DEPTOR: variants seen among roughly 807,000 people sequenced by gnomAD.
The protein encoded by DEPTOR is DEP domain containing MTOR interacting protein.
A neutral mutation model predicts 41.6 loss-of-function variants in DEPTOR; 41 were observed. The observed-to-expected ratio is 0.98, with a 90% CI of 0.77 to 1.28. DEPTOR has a LOEUF of 1.28. DEPTOR is among the 50% of genes most tolerant of loss of function. The probability of loss-of-function intolerance (pLI) is 0.00; values close to 1 mark genes in which losing one functional copy is unlikely to be tolerated. For missense variants in DEPTOR, 514 were observed against 527.9 expected, an observed-to-expected ratio of 0.97 and a Z score of 0.26; for synonymous variants, 195 against 192.3, an observed-to-expected ratio of 1.01 and a Z score of -0.12.
chr8:120,012,506 A>AT lies in DEPTOR; in HGVS notation c.1101+3383dup, dbSNP rs950618843. 6.6e-5 allele frequency among the ~76,000 whole-genome samples: 10 copies of AT among 150,712 alleles called. No individual in the cohort carries two copies. In the South Asian group the frequency reaches 8.5e-4, roughly 13 times the overall value. ...ACTGTGATGTCACTGGGCAATGGGA[A>AT]TTTTTTTTTTAAAGCATTCTTTGTT... On this transcript the variant is annotated intron_variant, in intron 8 of 8. Coordinates refer to ENST00000286234, the MANE Select transcript of DEPTOR (RefSeq NM_022783.4).
intron 4 of DEPTOR, among the ~76,000 whole-genome samples, chr8:119,976,202 C>T (rs187542974): frequency 1.6e-3 from 237 of 152,016 alleles, no homozygotes; most frequent in Middle Eastern, 3.4e-3. Context: ...TAACTTCTTG[C>T]CAAGAGGACT....
At chr8:119,988,182 C>A (rs1828853967) in intron 4 of DEPTOR, among the ~76,000 whole-genome samples, 1 of 152,180 alleles carries the variant, frequency 6.6e-6, no homozygotes. Flanking sequence ...GTTGTGAAGA[C>A]TGTGGGAAAA....
intron 3 of DEPTOR, among the ~76,000 whole-genome samples, chr8:119,952,945 G>C (rs1374437069): frequency 6.6e-6 from 1 of 152,134 alleles, no homozygotes; most frequent in East Asian, 1.9e-4. Context: ...GTATGCAGTA[G>C]TTTTACTCAT....
intron 3 of DEPTOR, among the ~76,000 whole-genome samples, chr8:119,937,284 C>A: frequency 6.6e-6 from 1 of 151,876 alleles, no homozygotes; most frequent in Non-Finnish European, 1.5e-5. Context: ...CCTGTAGTCC[C>A]AGCTACTTGG....
At chr8:119,911,853 C>T (rs1045176183) in intron 1 of DEPTOR, among the ~76,000 whole-genome samples, 3 of 152,170 alleles carry the variant, frequency 2.0e-5, no homozygotes, top group Non-Finnish European at 4.4e-5. Flanking sequence ...TTCTGTACTA[C>T]ACTATGGTTT....
intron 1 of DEPTOR, among the ~76,000 whole-genome samples, chr8:119,889,249 T>G (rs150882187): frequency 7.4e-4 from 110 of 149,534 alleles, no homozygotes; most frequent in African/African-American, 2.6e-3. Context: ...ATAACTGTCT[T>G]AGAAACTTCC....
chr8:119,887,901 C>A (rs987500763), intron 1 of DEPTOR, among the ~76,000 whole-genome samples: 4 of 151,440 alleles, frequency 2.6e-5, no homozygotes, highest in African/African-American at 9.7e-5. Flanking sequence ...GCACACTGCA[C>A]CCTTAACCCT....
At chr8:119,992,237 C>A (rs1812184729) in intron 4 of DEPTOR, among the ~76,000 whole-genome samples, 1 of 152,192 alleles carries the variant, frequency 6.6e-6, no homozygotes, top group African/African-American at 2.4e-5. Context: ...GAAGCCCCAG[C>A]CACCCTTGTG....
At chr8:119,965,155 A>G (rs1828540398) in intron 3 of DEPTOR, 77 bp from the exon 4 acceptor site, 1 of 1,460,034 alleles carries the variant, frequency 6.8e-7, no homozygotes, top group East Asian at 2.4e-5. Context: ...GTAGTACTTC[A>G]TGGAAATCTA....
intron 8 of DEPTOR, among the ~76,000 whole-genome samples, chr8:120,039,175 G>C (rs910134731): frequency 5.9e-5 from 9 of 152,182 alleles, no homozygotes; most frequent in African/African-American, 2.2e-4. Context: ...AAAGTGGCTG[G>C]AAAGAGATTC....
intron 1 of DEPTOR, among the ~76,000 whole-genome samples, chr8:119,916,184 C>T (rs1203999697): frequency 6.6e-6 from 1 of 152,030 alleles, no homozygotes; most frequent in East Asian, 1.9e-4. Context: ...ACTGCAACCT[C>T]CACCTTCTGG....
At chr8:120,024,458 C>CT (rs1218927388) in intron 8 of DEPTOR, among the ~76,000 whole-genome samples, 1 of 152,124 alleles carries the variant, frequency 6.6e-6, no homozygotes, top group Non-Finnish European at 1.5e-5. Flanking sequence ...ATCTGACTCT[C>CT]TTTGGAAATA....
chr8:120,036,472 A>C (rs1050820465), intron 8 of DEPTOR, among the ~76,000 whole-genome samples: 2 of 152,178 alleles, frequency 1.3e-5, no homozygotes, highest in African/African-American at 4.8e-5. Context: ...CCTCCCACAC[A>C]GTCACTCCAC....
chr8:119,924,022 G>A (rs1454948359), intron 1 of DEPTOR, among the ~76,000 whole-genome samples: 2 of 151,838 alleles, frequency 1.3e-5, no homozygotes, highest in Non-Finnish European at 2.9e-5. Context: ...TCTGTGCTTG[G>A]AAATAAAGGC....
chr8:119,911,692 G>A (rs1384123907), intron 1 of DEPTOR, among the ~76,000 whole-genome samples: 2 of 152,276 alleles, frequency 1.3e-5, no homozygotes, highest in Non-Finnish European at 2.9e-5. Flanking sequence ...TTCTTATCCA[G>A]TGGAACTAAA....
intron 4 of DEPTOR, among the ~76,000 whole-genome samples, chr8:119,990,399 C>T (rs531462521): frequency 2.6e-5 from 4 of 152,034 alleles, no homozygotes; most frequent in East Asian, 3.9e-4. Flanking sequence ...CCTGGTGATC[C>T]GCCCGCCTCA....
intron 1 of DEPTOR, among the ~76,000 whole-genome samples, chr8:119,875,325 G>C (rs1266189312): frequency 1.3e-5 from 2 of 152,086 alleles, no homozygotes; most frequent in Non-Finnish European, 2.9e-5. Context: ...ATAGGAGTTG[G>C]GTAGATGATG....
At chr8:119,887,206 C>T (rs2129697226) in intron 1 of DEPTOR, among the ~76,000 whole-genome samples, 1 of 126,754 alleles carries the variant, frequency 7.9e-6, no homozygotes, top group African/African-American at 3.0e-5. Context: ...GTTTTACTCA[C>T]TCTGTCGCCT....
intron 1 of DEPTOR, 73 bp from the exon 2 acceptor site, chr8:119,928,327 T>A (rs371785895): frequency 6.7e-7 from 1 of 1,492,252 alleles, no homozygotes; most frequent in Non-Finnish European, 9.1e-7. Flanking sequence ...GTTATGTTAT[T>A]ACTGTCTGGG....
Sources: allele counts gnomAD v4.1 joint callset (sites outside exome capture counted in the v4.1 genomes callset), GRCh38; gene constraint gnomAD v4.1.1; transcripts MANE v1.5; gene names NCBI Gene and HGNC (gene_info 2026-07-23, HGNC 2026-07-21).